Variants in THSD7A observed in about 807,000 individuals in gnomAD.
THSD7A encodes the protein thrombospondin type-1 domain-containing protein 7A.
In THSD7A, 96 loss-of-function variants were observed where a neutral mutation model predicts 231.3. The observed-to-expected ratio is 0.41, with a 90% CI of 0.35 to 0.49. THSD7A has a LOEUF of 0.49. Among genes scored for constraint, THSD7A ranks in the 20% least tolerant of loss-of-function variants. THSD7A has a pLI of 0.05. For synonymous variants in THSD7A, 940 were observed against 743.3 expected (o/e 1.26, Z -4.30); for missense variants, 2,290 against 2,070.2 (o/e 1.11, Z -2.06).
rs1782167959 is a variant in THSD7A, at chr7:11,374,076, A to C, written c.*1718T>G. The C allele has an allele frequency of 6.6e-6, 1 of 152,130 alleles. No homozygotes were observed. Among genetic ancestry groups the C allele is most frequent in the African/African-American group, 2.4e-5 (1 of 41,444 alleles). The allele number at this position is 152,130 out of a possible 1,614,324, so 9.4% of individuals were successfully genotyped here. Reference sequence around the variant, plus strand: ...GACTGTAAATTCTCACCTTTGAAAAATGAATGAAAACGAAAGATGACACCA... The same window carrying C: ...GACTGTAAATTCTCACCTTTGAAAACTGAATGAAAACGAAAGATGACACCA... On this transcript the variant is annotated 3_prime_UTR_variant, in exon 28 of 28. Transcript: ENST00000423059.
chr7:11,770,383 G>T (rs1159585671), intron 1 of THSD7A, among the ~76,000 whole-genome samples: 1 of 152,062 alleles, frequency 6.6e-6, no homozygotes, highest in East Asian at 1.9e-4. Flanking sequence ...TGCTCAAAAT[G>T]TGATCTTAAT....
intron 6 of THSD7A, among the ~76,000 whole-genome samples, chr7:11,509,496 T>C (rs1787700421): frequency 6.6e-6 from 1 of 152,236 alleles, no homozygotes; most frequent in East Asian, 1.9e-4. Context: ...ATATTTACAA[T>C]TTACAGATGA....
chr7:11,792,647 G>A (rs2128178484), intron 1 of THSD7A, among the ~76,000 whole-genome samples: 1 of 152,032 alleles, frequency 6.6e-6, no homozygotes, highest in Non-Finnish European at 1.5e-5. Flanking sequence ...TGTAATTCCA[G>A]TAAAGGGTAC....
At position 11,379,147 on chromosome 7, in the gene THSD7A, C is replaced by T. The variant is rs532692742; in HGVS notation, c.4724G>A (p.Arg1575Gln). 33 of 1,613,592 alleles carry T rather than the reference C, an allele frequency of 2.0e-5. No homozygotes were observed. The highest frequency in any genetic ancestry group is 5.0e-5 in the Admixed American group (3 of 59,960). ...GGAGGGTTGGGTTGGATGTACAGCCCGACTGGTTTTCACATCTCCTCTTTT... is the reference window on the plus strand; with the variant it reads ...GGAGGGTTGGGTTGGATGTACAGCCTGACTGGTTTTCACATCTCCTCTTTT... ...EDKRGDVKTSRAVHPTQPSSN... is the reference protein window; with the variant it reads ...EDKRGDVKTSQAVHPTQPSSN... The change falls in exon 26 of 28, where the codon CGG becomes CAG. Residue 1575 changes from arginine (R) to glutamine (Q), a missense_variant. Transcript: ENST00000423059.
chr7:11,465,737 T>C (rs1457101928), intron 9 of THSD7A, among the ~76,000 whole-genome samples: 3 of 152,066 alleles, frequency 2.0e-5, no homozygotes, highest in Non-Finnish European at 2.9e-5. Flanking sequence ...GGAAGAAGCC[T>C]CTGCAATATT....
intron 1 of THSD7A, among the ~76,000 whole-genome samples, chr7:11,779,224 C>A (rs1783544972): frequency 6.6e-6 from 1 of 152,126 alleles, no homozygotes. Context: ...TAATGTGCCA[C>A]CAGGAAGTAG....
intron 1 of THSD7A, among the ~76,000 whole-genome samples, chr7:11,656,299 CAAA>C (rs1203210544): frequency 6.6e-6 from 1 of 151,858 alleles, no homozygotes; most frequent in Non-Finnish European, 1.5e-5. Flanking sequence ...TTATTTAAAT[CAAA>C]ATTGCACTCA....
intron 23 of THSD7A, among the ~76,000 whole-genome samples, chr7:11,387,205 G>A (rs1004522004): frequency 6.6e-6 from 1 of 152,014 alleles, no homozygotes; most frequent in African/African-American, 2.4e-5. Context: ...CTCTTTTTTT[G>A]TTCCAGATGA....
chr7:11,606,656 A>T (rs574666846), intron 2 of THSD7A, among the ~76,000 whole-genome samples: 6 of 144,850 alleles, frequency 4.1e-5, no homozygotes, highest in Admixed American at 6.8e-5. Flanking sequence ...AATAAATTTA[A>T]TAATACTTTT....
chr7:11,635,577 A>G (rs919069593), intron 2 of THSD7A, among the ~76,000 whole-genome samples: 2 of 152,178 alleles, frequency 1.3e-5, no homozygotes, highest in African/African-American at 4.8e-5. Context: ...AATACCCTCT[A>G]CTTACCTTAT....
intron 2 of THSD7A, among the ~76,000 whole-genome samples, chr7:11,629,323 A>G (rs1781575175): frequency 6.6e-6 from 1 of 152,140 alleles, no homozygotes; most frequent in Non-Finnish European, 1.5e-5. Flanking sequence ...TGTCCTTTTT[A>G]GCCATCTACC....
chr7:11,500,242 AAG>A lies in THSD7A; in HGVS notation c.1823-18262_1823-18261del, dbSNP rs1236634261. Among the ~76,000 whole-genome samples the A allele has an allele frequency of 9.8e-5, 15 of 152,336 alleles. 1 individual carries two copies. The highest frequency in any genetic ancestry group is 3.4e-4 in the African/African-American group (14 of 41,574). On this transcript the variant is annotated intron_variant, in intron 6 of 27. Transcript: ENST00000423059. Reference sequence around the variant, plus strand: ...TAGCCAAACTAAGCTTCCTAAGTGAAAGAGAAATAAGATGCTTTTCAGATAAG... The same window carrying A: ...TAGCCAAACTAAGCTTCCTAAGTGAAAGAAATAAGATGCTTTTCAGATAAG...
chr7:11,764,562 T>G (rs1361013844), intron 1 of THSD7A, among the ~76,000 whole-genome samples: 1 of 104,064 alleles, frequency 9.6e-6, no homozygotes, highest in East Asian at 2.5e-4. Context: ...AGAACGAGAC[T>G]CCGTCTCAAA....
chr7:11,828,631 G>A (rs1233586454), intron 1 of THSD7A, among the ~76,000 whole-genome samples: 2 of 152,060 alleles, frequency 1.3e-5, no homozygotes, highest in African/African-American at 4.8e-5. Flanking sequence ...CAATGGCAGG[G>A]ATGGCAGTAT....
intron 1 of THSD7A, among the ~76,000 whole-genome samples, chr7:11,809,143 C>A (rs1326268520): frequency 6.6e-6 from 1 of 152,096 alleles, no homozygotes; most frequent in Non-Finnish European, 1.5e-5. Context: ...ACTAAGACAG[C>A]TTTTGCCTCA....
At chr7:11,457,731 A>G (rs921948521) in intron 11 of THSD7A, among the ~76,000 whole-genome samples, 1 of 151,964 alleles carries the variant, frequency 6.6e-6, no homozygotes, top group Non-Finnish European at 1.5e-5. Context: ...AGCTCAATCC[A>G]CCCACTTTTC....
intron 1 of THSD7A, among the ~76,000 whole-genome samples, chr7:11,816,537 T>C (rs1562575557): frequency 6.6e-6 from 1 of 152,172 alleles, no homozygotes; most frequent in African/African-American, 2.4e-5. Context: ...TTTGAAAACA[T>C]TGTACAGGCA....
intron 6 of THSD7A, among the ~76,000 whole-genome samples, chr7:11,518,579 T>A (rs1356318605): frequency 6.9e-6 from 1 of 145,748 alleles, no homozygotes; most frequent in Non-Finnish European, 1.5e-5. Flanking sequence ...ATCATCCCTG[T>A]AGCTGGAAAT....
intron 1 of THSD7A, among the ~76,000 whole-genome samples, chr7:11,778,022 T>C (rs1006262203): frequency 1.4e-5 from 2 of 147,510 alleles, no homozygotes; most frequent in African/African-American, 4.9e-5. Context: ...CCGGGCGTAG[T>C]GGCGGGCGCC....
Sources: allele counts gnomAD v4.1 joint callset (sites outside exome capture counted in the v4.1 genomes callset), GRCh38; gene constraint gnomAD v4.1.1; transcripts MANE v1.5; gene names NCBI Gene and HGNC (gene_info 2026-07-23, HGNC 2026-07-21).